The following SFMBT2 variants were observed in gnomAD, a reference collection of about 807,000 sequenced individuals.
The protein encoded by SFMBT2 is scm-like with four MBT domains protein 2.
SFMBT2 carries 38 observed loss-of-function variants against 110.1 expected under a neutral mutation model. The ratio of observed to expected loss-of-function variants is 0.35; its 90% CI spans 0.27 to 0.45. The LOEUF (loss-of-function observed/expected upper bound fraction) is 0.45. SFMBT2 is among the 20% of genes least tolerant of loss of function. The probability of loss-of-function intolerance (pLI) is 1.00; values close to 1 mark genes in which losing one functional copy is unlikely to be tolerated. For synonymous variants in SFMBT2, 425 were observed against 425.4 expected, an observed-to-expected ratio of 1.00 and a Z score of 0.01; for missense variants, 1,011 against 1,094.9, an observed-to-expected ratio of 0.92 and a Z score of 1.08.
At chr10:7,280,966 T>C (rs1485230227) in intron 6 of SFMBT2, among the ~76,000 whole-genome samples, 1 of 152,180 alleles carries the variant, frequency 6.6e-6, no homozygotes, top group African/African-American at 2.4e-5. Context: ...AAGGGCCACG[T>C]GGAGTGGTTC....
chr10:7,362,252 T>A (rs1445466627), intron 4 of SFMBT2, among the ~76,000 whole-genome samples: 3 of 152,060 alleles, frequency 2.0e-5, no homozygotes, highest in African/African-American at 7.2e-5. Flanking sequence ...AGAGCCCAGG[T>A]CTCTAAATGC....
intron 4 of SFMBT2, among the ~76,000 whole-genome samples, chr10:7,351,191 TA>T (rs1844302697): frequency 6.6e-6 from 1 of 152,248 alleles, no homozygotes; most frequent in Non-Finnish European, 1.5e-5. Context: ...CTCCAGTGAA[TA>T]ACACACATAC....
rs35063251 is a variant in SFMBT2, at chr10:7,269,715, CGTGTGTGTGTGTGT to C, written c.870+7163_870+7176del. 0.01 allele frequency among the ~76,000 whole-genome samples: 388 copies of C among 38,540 alleles called. 8 individuals are homozygous for C. In the East Asian group the frequency reaches 0.48, roughly 47 times the overall value. The allele number at this position is 38,540 out of a possible 152,430, so 25.3% of individuals were successfully genotyped here. ...GAGAAAAAAAGCAAGTAAGTGTGTG[CGTGTGTGTGTGTGT>C]GTGTGTGTGTGTGTGTGTGTGTGTG... is the stretch of plus-strand genomic sequence containing the variant. On this transcript the variant is annotated intron_variant, in intron 7 of 20. Transcript: ENST00000397167.
intron 1 of SFMBT2, among the ~76,000 whole-genome samples, chr10:7,400,617 C>A (rs988076284): frequency 6.6e-6 from 1 of 152,272 alleles, no homozygotes; most frequent in Non-Finnish European, 1.5e-5. Context: ...GGCCGTCAGG[C>A]CTCCCAGGCT....
chr10:7,312,445 G>A (rs1842885163), intron 4 of SFMBT2, among the ~76,000 whole-genome samples: 1 of 152,136 alleles, frequency 6.6e-6, no homozygotes, highest in African/African-American at 2.4e-5. Context: ...CACAGATTTG[G>A]GGGAACAGGA....
At chr10:7,392,289 C>A (rs750307614) in intron 1 of SFMBT2, among the ~76,000 whole-genome samples, 3 of 152,088 alleles carry the variant, frequency 2.0e-5, no homozygotes, top group South Asian at 2.1e-4. Flanking sequence ...CCGAGGTGGG[C>A]GGATCACTTG....
intron 4 of SFMBT2, among the ~76,000 whole-genome samples, chr10:7,324,161 G>A (rs1198785627): frequency 6.6e-6 from 1 of 152,156 alleles, no homozygotes; most frequent in East Asian, 1.9e-4. Flanking sequence ...CTACAATAGT[G>A]AGATTTCTGA....
chr10:7,203,197 C>T (rs913669813), intron 12 of SFMBT2: 11 of 839,604 alleles, frequency 1.3e-5, no homozygotes, highest in Non-Finnish European at 1.6e-5. Context: ...TCTAAAGCTG[C>T]TAGAGTCTGG....
At chr10:7,349,981 C>T (rs1046981595) in intron 4 of SFMBT2, among the ~76,000 whole-genome samples, 3 of 152,200 alleles carry the variant, frequency 2.0e-5, no homozygotes, top group African/African-American at 7.2e-5. Context: ...ACCTCATAGG[C>T]GCATGCTGAC....
chr10:7,262,327 A>G (rs1841234003), intron 7 of SFMBT2, among the ~76,000 whole-genome samples: 1 of 152,150 alleles, frequency 6.6e-6, no homozygotes, highest in Non-Finnish European at 1.5e-5. Context: ...AAGAATTATA[A>G]TCTTTTCTTA....
intron 4 of SFMBT2, among the ~76,000 whole-genome samples, chr10:7,339,488 G>A (rs529262830): frequency 5.3e-5 from 8 of 152,098 alleles, no homozygotes; most frequent in Admixed American, 2.6e-4. Flanking sequence ...ATTTGACTTC[G>A]GAATAAAATT....
At chr10:7,381,703 A>T (rs973293977) in intron 2 of SFMBT2, 96 bp downstream of exon 2, 7 of 1,303,548 alleles carry the variant, frequency 5.4e-6, no homozygotes, top group Middle Eastern at 1.9e-4. Context: ...AGTATGTGAG[A>T]TCTACAAATG....
intron 1 of SFMBT2, among the ~76,000 whole-genome samples, chr10:7,385,811 A>G (rs1471217661): frequency 1.3e-5 from 2 of 152,076 alleles, no homozygotes; most frequent in African/African-American, 4.8e-5. Context: ...CATCCTGGCT[A>G]ACACGGTGAA....
chr10:7,232,375 A>C (rs1450618752), intron 9 of SFMBT2, among the ~76,000 whole-genome samples: 4 of 152,174 alleles, frequency 2.6e-5, no homozygotes, highest in Non-Finnish European at 5.9e-5. Flanking sequence ...AATGACCCTA[A>C]AAACTGAAAA....
Position 7,197,462 on chromosome 10 carries a change from G to GCCTT in SFMBT2, c.1698+85_1698+86insAAGG. On this transcript the variant is annotated intron_variant, in intron 15 of 20. Coordinates refer to ENST00000397167, the MANE Select transcript of SFMBT2 (RefSeq NM_001387889.1). Reference sequence around the variant, plus strand: ...AAATGCCAGCTGAACTGCTTCCAATGCCTATTCCCTCCTTCAGAAACTGAG... The same window carrying GCCTT: ...AAATGCCAGCTGAACTGCTTCCAATGCCTTCCTATTCCCTCCTTCAGAAACTGAG... The GCCTT allele has an allele frequency of 3.9e-6, 6 of 1,537,786 alleles. No individual in the cohort carries two copies. In the South Asian group the frequency reaches 6.1e-5, roughly 16 times the overall value.
chr10:7,331,221 CCTT>C (rs1235906334), intron 4 of SFMBT2, among the ~76,000 whole-genome samples: 1 of 152,172 alleles, frequency 6.6e-6, no homozygotes, highest in Admixed American at 6.6e-5. Context: ...TAGGCTAAGA[CCTT>C]CTCTCTGCCT....
chr10:7,211,309 C>G (rs1421922333), intron 11 of SFMBT2, among the ~76,000 whole-genome samples: 1 of 152,100 alleles, frequency 6.6e-6, no homozygotes, highest in Non-Finnish European at 1.5e-5. Context: ...AGGTCAACCC[C>G]AGACCTGCAG....
At chr10:7,180,282 G>A (rs1462273009) in intron 16 of SFMBT2, among the ~76,000 whole-genome samples, 3 of 143,286 alleles carry the variant, frequency 2.1e-5, no homozygotes, top group African/African-American at 7.9e-5. Flanking sequence ...CCACCACCAC[G>A]CCTATAGTGG....
chr10:7,269,657 G>A (rs114171649), intron 7 of SFMBT2, among the ~76,000 whole-genome samples: 6 of 151,494 alleles, frequency 4.0e-5, no homozygotes, highest in African/African-American at 7.3e-5. Context: ...AAGTCTGCCT[G>A]CTGAGAAACA....
Sources: allele counts gnomAD v4.1 joint callset (sites outside exome capture counted in the v4.1 genomes callset), GRCh38; gene constraint gnomAD v4.1.1; transcripts MANE v1.5; gene names NCBI Gene and HGNC (gene_info 2026-07-23, HGNC 2026-07-21).